The following SIPA1L2 variants were observed in gnomAD, a reference collection of about 807,000 sequenced individuals.
SIPA1L2 encodes the protein signal-induced proliferation-associated 1-like protein 2.
Under a neutral mutation model 163.9 loss-of-function variants are expected in SIPA1L2, and 56 were observed. The observed-to-expected ratio is 0.34, with a 90% confidence interval of 0.28 to 0.43. SIPA1L2 has a LOEUF of 0.43. SIPA1L2 is among the 20% of genes least tolerant of loss of function. The pLI, the probability that SIPA1L2 is intolerant of heterozygous loss-of-function variation, is 1.00. For missense variants in SIPA1L2, 1,974 were observed against 2,193.5 expected (o/e 0.90, Z 2.00); for synonymous variants, 877 against 865.7 (o/e 1.01, Z -0.23).
chr1:232,574,366 CTCT>C lies in SIPA1L2; in HGVS notation c.-318-147_-318-145del, dbSNP rs201258304. 6.2e-3 allele frequency among the ~76,000 whole-genome samples: 949 copies of C among 152,306 alleles called. 23 individuals are homozygous for C. The highest frequency in any genetic ancestry group is 0.027 in the Admixed American group (419 of 15,304). ...ACCAAGGCACTATTTATCTTTTCTA[CTCT>C]TCTTCTCTCCCCAGTGTTCGATGGA... is the stretch of plus-strand genomic sequence containing the variant. On this transcript the variant is annotated intron_variant, in intron 1 of 22. Transcript: ENST00000674635.
At chr1:232,418,597 C>T (rs1470012486) in intron 18 of SIPA1L2, among the ~76,000 whole-genome samples, 1 of 152,212 alleles carries the variant, frequency 6.6e-6, no homozygotes, top group African/African-American at 2.4e-5. Context: ...AGAGACCCCA[C>T]ACAATGTGGC....
chr1:232,432,377 C>A lies in SIPA1L2; in HGVS notation c.4126G>T (p.Gly1376Ter). The A allele has an allele frequency of 6.2e-7, 1 of 1,614,144 alleles. No homozygotes were observed. ...SKVYIVSHSS[G>*]QQVPGSMSKP... ...GACATGGACCCGGGAACCTGTTGTC[C>A]GCTGCTGTGAGACACGATGTAGACT... The change falls in exon 16 of 23, where the codon GGA becomes TGA. Residue 1376 changes from glycine (G) to a stop codon, truncating the protein, a stop_gained. Coordinates refer to ENST00000674635, the MANE Select transcript of SIPA1L2 (RefSeq NM_020808.5). LOFTEE classifies it high-confidence loss of function.
chr1:232,501,050 ATTTTTTTTT>A (rs60008360), intron 3 of SIPA1L2, among the ~76,000 whole-genome samples: 1 of 78,450 alleles, frequency 1.3e-5, no homozygotes, highest in Non-Finnish European at 2.3e-5. Flanking sequence ...GCAATGAAGT[ATTTTTTTTT>A]TTTTTTTTTT....
intron 2 of SIPA1L2, among the ~76,000 whole-genome samples, chr1:232,552,808 T>G (rs1558263774): frequency 6.6e-6 from 1 of 152,190 alleles, no homozygotes; most frequent in African/African-American, 2.4e-5. Context: ...CCACTACAAT[T>G]GAAACAGAAG....
Position 232,445,785 on chromosome 1 carries a change from C to A in SIPA1L2, c.3097G>T (p.Gly1033Trp), listed in dbSNP as rs780713675. 2.5e-6 allele frequency: 4 copies of A among 1,611,734 alleles called. No homozygotes were observed. The highest frequency in any genetic ancestry group is 3.3e-5 in the Admixed American group (2 of 59,768). ...GGGATCCGGCAGAGCTCTGAACACC[C>A]TCTGTTGGGCCAAGAAGAAATGGTG... ...QPHDDGSPRR[G>W]CSELCRIPMV... Residue 1033 changes from glycine (G) to tryptophan (W), a missense_variant and splice_region_variant, in exon 11 of 23, where the codon GGG becomes TGG. Gly to Trp is a radical substitution (Grantham distance 184, BLOSUM62 -2). Transcript: ENST00000674635.
At chr1:232,476,331 C>A (rs1006516082) in intron 7 of SIPA1L2, among the ~76,000 whole-genome samples, 1 of 152,104 alleles carries the variant, frequency 6.6e-6, no homozygotes, top group South Asian at 2.1e-4. Flanking sequence ...GATACCTCCA[C>A]GAGGCGTCAG....
chr1:232,465,773 G>T lies in SIPA1L2; in HGVS notation c.2244-357C>A, dbSNP rs962786454. ...AATCTGGAGAAAGGACCCTTAAGGAGGTGGCTAAGTGAAACCATTCGGGTG... is the reference window on the plus strand; with the variant it reads ...AATCTGGAGAAAGGACCCTTAAGGATGTGGCTAAGTGAAACCATTCGGGTG... On this transcript the variant is annotated intron_variant, in intron 8 of 22. Transcript: ENST00000674635. This position sits in a 1 kb window ranked among gnomAD's most constrained non-coding sequence, Gnocchi z 4.1. Among the ~76,000 whole-genome samples the T allele has an allele frequency of 6.6e-6, 1 of 151,978 alleles. No homozygotes were observed. The highest frequency in any genetic ancestry group is 1.5e-5 in the Non-Finnish European group (1 of 68,022).
chr1:232,457,625 T>G (rs1173324211), intron 10 of SIPA1L2, among the ~76,000 whole-genome samples: 1 of 152,214 alleles, frequency 6.6e-6, no homozygotes, highest in Non-Finnish European at 1.5e-5. Flanking sequence ...CACATCCTGT[T>G]ATGTGTTGCT....
chr1:232,584,768 G>A (rs540492432), intron 1 of SIPA1L2, among the ~76,000 whole-genome samples: 28 of 152,238 alleles, frequency 1.8e-4, no homozygotes, highest in Non-Finnish European at 3.1e-4. Context: ...TATACAAAAC[G>A]CTAGATGGAA....
At chr1:232,460,844 G>A (rs1480016171) in intron 10 of SIPA1L2, 43 bp downstream of exon 10, 1 of 1,589,452 alleles carries the variant, frequency 6.3e-7, no homozygotes, top group Non-Finnish European at 8.6e-7. Flanking sequence ...CTGCTACAGA[G>A]GCAAAGGAGG....
intron 1 of SIPA1L2, among the ~76,000 whole-genome samples, chr1:232,625,630 C>A (rs1379469921): frequency 1.3e-5 from 2 of 152,150 alleles, no homozygotes; most frequent in Non-Finnish European, 2.9e-5. Flanking sequence ...CAAGACACTC[C>A]TGCTGTACTC....
intron 16 of SIPA1L2, among the ~76,000 whole-genome samples, chr1:232,431,094 AAGAGTCCTTCGCCTAAACAT>A (rs1481957206): frequency 1.3e-5 from 2 of 152,182 alleles, no homozygotes; most frequent in Admixed American, 6.5e-5. Context: ...GACTTTCCAA[AAGAGTCCTTCGCCTAAACAT>A]AGTACTACGG....
At chr1:232,420,705 GAT>G (rs1156252607) in intron 18 of SIPA1L2, among the ~76,000 whole-genome samples, 1 of 151,800 alleles carries the variant, frequency 6.6e-6, no homozygotes, top group Non-Finnish European at 1.5e-5. Context: ...TGCGGTGGTG[GAT>G]GCCTGTAGTC....
chr1:232,451,089 G>A (rs573092810), intron 10 of SIPA1L2, among the ~76,000 whole-genome samples: 2 of 152,108 alleles, frequency 1.3e-5, no homozygotes, highest in Non-Finnish European at 2.9e-5. Flanking sequence ...AACTACTCTT[G>A]TGAACTAGAT....
chr1:232,568,463 G>GA (rs1460663368), intron 2 of SIPA1L2, among the ~76,000 whole-genome samples: 1 of 152,142 alleles, frequency 6.6e-6, no homozygotes, highest in Non-Finnish European at 1.5e-5. Context: ...AGCAGCAGAG[G>GA]AAAAAACACT....
At chr1:232,556,960 A>G (rs1346821647) in intron 2 of SIPA1L2, among the ~76,000 whole-genome samples, 1 of 152,306 alleles carries the variant, frequency 6.6e-6, no homozygotes, top group African/African-American at 2.4e-5. Flanking sequence ...GCTCTGGGAC[A>G]ACAGTCAAGA....
chr1:232,584,679 G>T (rs562179443), intron 1 of SIPA1L2, among the ~76,000 whole-genome samples: 37 of 152,274 alleles, frequency 2.4e-4, no homozygotes, highest in African/African-American at 8.2e-4. Context: ...AGGGTGACAG[G>T]GAAGTTTTCC....
intron 10 of SIPA1L2, among the ~76,000 whole-genome samples, chr1:232,446,198 A>G (rs1663209118): frequency 6.6e-6 from 1 of 152,208 alleles, no homozygotes; most frequent in Admixed American, 6.5e-5. Context: ...AGAGGCCTCC[A>G]GGACTTGTAG....
chr1:232,426,208 T>C (rs893953201), intron 17 of SIPA1L2, among the ~76,000 whole-genome samples: 2 of 152,190 alleles, frequency 1.3e-5, no homozygotes, highest in African/African-American at 2.4e-5. Flanking sequence ...ATGACTACAT[T>C]GTAATATTAG....
Sources: gnomAD v4.1 joint callset for allele counts (sites outside exome capture counted in the v4.1 genomes callset) on GRCh38, gnomAD v4.1.1 for gene constraint, Gnocchi (gnomAD v3.1) non-coding constraint, MANE v1.5 for transcripts, NCBI Gene and HGNC (gene_info 2026-07-23, HGNC 2026-07-21) for gene names.